The following CR1 variants were observed in gnomAD, a reference collection of about 807,000 sequenced individuals.
CR1 encodes the protein complement C3b/C4b receptor 1 (Knops blood group), also known as complement receptor type 1.
CR1 carries 116 observed loss-of-function variants against 187.3 expected under a neutral mutation model. The observed-to-expected ratio is 0.62, with a 90% CI of 0.53 to 0.72. The LOEUF (loss-of-function observed/expected upper bound fraction) is 0.72, where lower values mean the gene tolerates loss of function less well. Among genes scored for constraint, CR1 ranks in the 30% least tolerant of loss-of-function variants. The pLI, the probability that CR1 is intolerant of heterozygous loss-of-function variation, is 0.00. For missense variants in CR1, 1,731 were observed against 2,110.7 expected (o/e 0.82, Z 3.52); for synonymous variants, 576 against 747.1 (o/e 0.77, Z 3.73).
At chr1:207,587,631 G>A in intron 34 of CR1, 66 bp downstream of exon 34, 1 of 1,486,694 alleles carries the variant, frequency 6.7e-7, no homozygotes, top group Non-Finnish European at 9.2e-7. Context: ...GGGCTTGGTG[G>A]CTCACGCCTG....
intron 23 of CR1, 93 bp downstream of exon 23, chr1:207,564,327 C>A: frequency 1.4e-6 from 1 of 730,248 alleles, no homozygotes; most frequent in Non-Finnish European, 1.7e-6. Flanking sequence ...AAAAGAAAGA[C>A]ACACACACAC....
intron 4 of CR1, among the ~76,000 whole-genome samples, chr1:207,516,756 T>C: frequency 6.6e-6 from 1 of 152,268 alleles, no homozygotes; most frequent in South Asian, 2.1e-4. Context: ...AATTTCATTC[T>C]TTAATTATTT....
At chr1:207,596,097 A>G (rs1473616371) in intron 35 of CR1, among the ~76,000 whole-genome samples, 1 of 149,402 alleles carries the variant, frequency 6.7e-6, no homozygotes, top group African/African-American at 2.4e-5. Flanking sequence ...ATATAATCAA[A>G]TTTTAAAAGA....
Position 207,640,972 on chromosome 1 carries a change from A to C in CR1, c.*1563A>C, listed in dbSNP as rs1256960667. 1 of 152,246 alleles carries C rather than the reference A, an allele frequency of 6.6e-6. No individual in the cohort carries two copies. The highest frequency in any genetic ancestry group is 6.5e-5 in the Admixed American group (1 of 15,288). 9.4% of individuals were successfully genotyped at this position (152,246 alleles called of 1,614,324 possible). On this transcript the variant is annotated 3_prime_UTR_variant, in exon 47 of 47. Transcript: ENST00000367049. The stretch of plus-strand genomic sequence containing the variant: ...ACTGCAAGAAAAAAATGCAACTTAC[A>C]TCACAAAAGCTAATTGCTTTATTAT...
intron 1 of CR1, among the ~76,000 whole-genome samples, chr1:207,500,637 G>A (rs1458955363): frequency 6.6e-6 from 1 of 152,158 alleles, no homozygotes; most frequent in Non-Finnish European, 1.5e-5. Context: ...AAGTGTTGGC[G>A]ATAAGGTGGA....
intron 45 of CR1, among the ~76,000 whole-genome samples, chr1:207,623,365 A>G (rs750057078): frequency 1.3e-5 from 2 of 152,108 alleles, no homozygotes; most frequent in Non-Finnish European, 2.9e-5. Context: ...GCAGATCACT[A>G]GAGGCCAGGG....
chr1:207,511,926 T>G (rs560518888), intron 4 of CR1, among the ~76,000 whole-genome samples: 11 of 152,302 alleles, frequency 7.2e-5, no homozygotes, highest in African/African-American at 2.6e-4. Flanking sequence ...AATTATGTTG[T>G]TTCTACCACC....
chr1:207,520,517 CTCTG>C (rs1452644960), intron 4 of CR1, among the ~76,000 whole-genome samples: 2 of 152,258 alleles, frequency 1.3e-5, no homozygotes, highest in Non-Finnish European at 2.9e-5. Context: ...GTCCCCTTCT[CTCTG>C]TCTGTCTCCT....
intron 34 of CR1, among the ~76,000 whole-genome samples, chr1:207,587,905 A>G (rs370691160): frequency 2.6e-5 from 4 of 152,360 alleles, no homozygotes; most frequent in South Asian, 2.1e-4. Flanking sequence ...TGCTCATTTC[A>G]TGAGAATGGC....
intron 35 of CR1, among the ~76,000 whole-genome samples, chr1:207,604,203 A>T (rs184440640): frequency 6.6e-6 from 1 of 152,150 alleles, no homozygotes; most frequent in Non-Finnish European, 1.5e-5. Context: ...TTTCGTTTGT[A>T]AATTATTTGT....
rs772489369 is a variant in CR1, at chr1:207,632,627, T to TAC, written c.7457+2022_7457+2023dup. 1.6e-3 allele frequency among the ~76,000 whole-genome samples: 241 copies of TAC among 150,474 alleles called. 3 individuals carry two copies. Among genetic ancestry groups the TAC allele is most frequent in the African/African-American group, 4.7e-3 (195 of 41,082 alleles). On this transcript the variant is annotated intron_variant, in intron 46 of 46. Coordinates refer to ENST00000367049, the MANE Select transcript of CR1 (RefSeq NM_000651.6). The stretch of plus-strand genomic sequence containing the variant: ...ACGGTGAAACCCCTTCTCTACTAAA[T>TAC]ACACACACACACACACAAAATTTAG...
chr1:207,511,748 T>C (rs1659626126), intron 4 of CR1, 94 bp downstream of exon 4: 22 of 1,246,910 alleles, frequency 1.8e-5, no homozygotes, highest in Non-Finnish European at 2.5e-5. Context: ...TTCTGTGCAA[T>C]CTGTCCTTCA....
Position 207,639,962 on chromosome 1 carries a change from C to T in CR1, c.*553C>T, listed in dbSNP as rs773495768. ...GTTTGTTTCCTTTTATTTTATAGAG[C>T]AGAACCCTAGTCTTTTAAACAGTTT... On this transcript the variant is annotated 3_prime_UTR_variant, in exon 47 of 47. Coordinates refer to ENST00000367049, the MANE Select transcript of CR1 (RefSeq NM_000651.6). The T allele has an allele frequency of 6.6e-6, 1 of 152,552 alleles. No individual in the cohort carries two copies. The highest frequency in any genetic ancestry group is 1.5e-5 in the Non-Finnish European group (1 of 68,372). 9.4% of individuals were successfully genotyped at this position (152,552 alleles called of 1,614,324 possible).
At chr1:207,580,041 C>A (rs544446659) in intron 29 of CR1, among the ~76,000 whole-genome samples, 199 bp from the exon 30 acceptor site, 2 of 152,224 alleles carry the variant, frequency 1.3e-5, no homozygotes, top group Admixed American at 1.3e-4. Flanking sequence ...GAGAATCCAC[C>A]AATACTGATA....
At chr1:207,620,619 C>T (rs12734030) in intron 43 of CR1, among the ~76,000 whole-genome samples, 26,692 of 152,098 alleles carry the variant, frequency 0.18, 2,703 homozygotes, top group South Asian at 0.43. Flanking sequence ...TACACTTTCC[C>T]TTCTCCCCAT....
chr1:207,566,193 T>C (rs1660490779), intron 24 of CR1, among the ~76,000 whole-genome samples: 1 of 150,234 alleles, frequency 6.7e-6, no homozygotes, highest in Non-Finnish European at 1.5e-5. Flanking sequence ...TTAGATAATG[T>C]GAAGCTTTAA....
At chr1:207,637,570 G>A (rs1442638772) in intron 46 of CR1, among the ~76,000 whole-genome samples, 1 of 152,194 alleles carries the variant, frequency 6.6e-6, no homozygotes, top group Non-Finnish European at 1.5e-5. Flanking sequence ...ACTGACAGTA[G>A]GTACTTCTAC....
chr1:207,611,830 G>A lies in CR1; in HGVS notation c.6449G>A (p.Ser2150Asn), dbSNP rs771230144. ...CACTGCACGCCCCAGGGAGACTGGA[G>A]CCCTGAAGCCCCTAGATGTACAGGT... is the stretch of plus-strand genomic sequence containing the variant. The part of the protein sequence containing the change: ...SLHCTPQGDW[S>N]PEAPRCTVKS... The change falls in exon 38 of 47, where the codon AGC (serine) becomes AAC (asparagine). Residue 2150 changes from serine to asparagine, a missense_variant. By Grantham distance (46) the Ser-to-Asn change is conservative. Around this residue, in one of 5 missense-constraint regions of CR1, gnomAD observed 1,312 missense variants for 1,379.6 expected, o/e 0.95. Transcript: ENST00000367049. 6.2e-7 allele frequency: 1 copy of A among 1,613,998 alleles called. No individual in the cohort carries two copies. Among genetic ancestry groups the A allele is most frequent in the Non-Finnish European group, 8.5e-7 (1 of 1,179,886 alleles).
At chr1:207,517,840 C>A (rs980675924) in intron 4 of CR1, among the ~76,000 whole-genome samples, 2 of 152,006 alleles carry the variant, frequency 1.3e-5, no homozygotes, top group Non-Finnish European at 2.9e-5. Context: ...GTAGTGATAC[C>A]CTTACACTCA....
Sources: gnomAD v4.1 joint callset for allele counts (sites outside exome capture counted in the v4.1 genomes callset) on GRCh38, gnomAD v4.1.1 for gene constraint, gnomAD v4.1.1 regional missense constraint, MANE v1.5 for transcripts, NCBI Gene and HGNC (gene_info 2026-07-23, HGNC 2026-07-21) for gene names.